RBBP6: variants seen among roughly 807,000 people sequenced by gnomAD.
The protein encoded by RBBP6 is RB binding protein 6, ubiquitin ligase.
RBBP6 carries 25 observed loss-of-function variants against 167.7 expected under a neutral mutation model. The observed-to-expected ratio is 0.15, with a 90% confidence interval of 0.11 to 0.21. The LOEUF (loss-of-function observed/expected upper bound fraction) is 0.21. Ranked by LOEUF, RBBP6 falls within the 10% of genes least tolerant of loss-of-function variation. The pLI is 1.00. For synonymous variants in RBBP6, 789 were observed against 735.8 expected (o/e 1.07, Z -1.17); for missense variants, 1,868 against 2,134.2 (o/e 0.88, Z 2.46).
intron 14 of RBBP6, among the ~76,000 whole-genome samples, chr16:24,565,227 T>A (rs1190979812): frequency 6.6e-6 from 1 of 152,132 alleles, no homozygotes; most frequent in Non-Finnish European, 1.5e-5. Context: ...CAAGCTCAGC[T>A]CCCAACTGTG....
chr16:24,548,380 A>G (rs1175836067), intron 2 of RBBP6, among the ~76,000 whole-genome samples: 5 of 151,458 alleles, frequency 3.3e-5, no homozygotes. Context: ...GTTAGTCTCA[A>G]ACTCCTGGGC....
At chr16:24,561,736 T>G (rs773162089) in intron 9 of RBBP6, 21 bp downstream of exon 9, 37 of 1,610,378 alleles carry the variant, frequency 2.3e-5, no homozygotes, top group Non-Finnish European at 3.1e-5. Context: ...GTATCCATTT[T>G]ATGAAAAAAT....
At chr16:24,566,594 A>G (rs974334398) in intron 14 of RBBP6, among the ~76,000 whole-genome samples, 3 of 152,122 alleles carry the variant, frequency 2.0e-5, no homozygotes, top group Non-Finnish European at 2.9e-5. Flanking sequence ...TACAAAAATT[A>G]GCTGGGCATG....
chr16:24,545,916 T>G (rs976803140), intron 1 of RBBP6, among the ~76,000 whole-genome samples: 5 of 152,210 alleles, frequency 3.3e-5, no homozygotes, highest in African/African-American at 1.2e-4. Flanking sequence ...TTACTGAGAT[T>G]TGGAGTTCCA....
Position 24,562,046 on chromosome 16 carries a change from T to G in RBBP6, c.1174T>G (p.Ser392Ala). Residue 392 changes from serine to alanine, a missense_variant, in exon 10 of 18, where the codon TCT (serine) becomes GCT (alanine). Ser to Ala is a moderately conservative substitution (Grantham distance 99). This residue lies in a region of RBBP6 where 245 missense variants were observed against 240.1 expected (regional missense o/e 1.02). Transcript: ENST00000319715. ...TATATCTTCATTAACTTCTAATCAG[T>G]CTTCCTTGGCCCCTCCTGTGTCTGG... ...PSISSLTSNQ[S>A]SLAPPVSGNP... 1 of 1,612,844 alleles carries G rather than the reference T, an allele frequency of 6.2e-7. No individual in the cohort carries two copies. The highest frequency in any genetic ancestry group is 8.5e-7 in the Non-Finnish European group (1 of 1,178,814).
In RBBP6 at chr16:24,572,766, T is replaced by A. The variant is rs184701648; in HGVS notation, c.*321T>A. 4.6e-5 allele frequency: 10 copies of A among 217,818 alleles called. No homozygotes were observed. The highest frequency in any genetic ancestry group is 3.2e-4 in the Admixed American group (6 of 18,692). The allele number at this position is 217,818 out of a possible 1,614,324, so 13.5% of individuals were successfully genotyped here. On this transcript the variant is annotated 3_prime_UTR_variant, in exon 18 of 18. Coordinates refer to ENST00000319715, the MANE Select transcript of RBBP6 (RefSeq NM_006910.5). ...TTTAATTGCCTGGCAAAAGCTGATA[T>A]AAGTTCTAAAATATCAGCAGAATGA...
intron 1 of RBBP6, among the ~76,000 whole-genome samples, chr16:24,541,959 C>A (rs781167147): frequency 6.6e-6 from 1 of 152,134 alleles, no homozygotes; most frequent in Non-Finnish European, 1.5e-5. Flanking sequence ...ACCAGTTTTC[C>A]ATTTACAATG....
chr16:24,572,535 G>A lies in RBBP6; in HGVS notation c.*90G>A. The A allele has an allele frequency of 1.4e-6, 2 of 1,413,880 alleles. No homozygotes were observed. Among genetic ancestry groups the A allele is most frequent in the South Asian group, 3.1e-5 (2 of 64,972 alleles). 87.6% of individuals were successfully genotyped at this position (1,413,880 alleles called of 1,614,324 possible). ...AAGAGATTCAAGCCTTGTAAATAAT[G>A]ACATGGAAGACCCTGTGCTGCACTT... On this transcript the variant is annotated 3_prime_UTR_variant, in exon 18 of 18. Coordinates refer to ENST00000319715, the MANE Select transcript of RBBP6 (RefSeq NM_006910.5).
chr16:24,542,233 AAC>A lies in RBBP6; in HGVS notation c.166+1443_166+1444del, dbSNP rs1196637127. Among the ~76,000 whole-genome samples the A allele has an allele frequency of 5.3e-5, 8 of 152,330 alleles. No individual in the cohort carries two copies. In the South Asian group the frequency reaches 1.0e-3, roughly 20 times the overall value. The stretch of plus-strand genomic sequence containing the variant: ...TGCCTCACAAGCATCCCTTAACTAC[AAC>A]AGTCACATTTCACAGAACAGATGGG... On this transcript the variant is annotated intron_variant, in intron 1 of 17. Coordinates refer to ENST00000319715, the MANE Select transcript of RBBP6 (RefSeq NM_006910.5).
intron 14 of RBBP6, among the ~76,000 whole-genome samples, chr16:24,565,316 C>T (rs997898353): frequency 6.6e-6 from 1 of 152,196 alleles, no homozygotes; most frequent in Non-Finnish European, 1.5e-5. Context: ...AAAGAAGAGA[C>T]AGGAGATTGT....
At chr16:24,541,184 A>AAAAAAAAAAAAACAACAAC (rs1290703420) in intron 1 of RBBP6, among the ~76,000 whole-genome samples, 1 of 101,890 alleles carries the variant, frequency 9.8e-6, no homozygotes, top group African/African-American at 4.6e-5. Flanking sequence ...CAATCAGCAA[A>AAAAAAAAAAAAACAACAAC]AAAAAAAACA....
intron 3 of RBBP6, among the ~76,000 whole-genome samples, chr16:24,550,340 T>A (rs1257115733): frequency 6.6e-6 from 1 of 150,666 alleles, no homozygotes; most frequent in Non-Finnish European, 1.5e-5. Flanking sequence ...TTTCCTCTTT[T>A]TGGATATGGG....
At chr16:24,564,910 T>C (rs775195197) in intron 14 of RBBP6, 45 bp downstream of exon 14, 139 of 1,566,354 alleles carry the variant, frequency 8.9e-5, no homozygotes, top group Non-Finnish European at 1.1e-4. Context: ...TTATTTTTTA[T>C]ATATATATCT....
intron 3 of RBBP6, among the ~76,000 whole-genome samples, chr16:24,550,324 T>G (rs538434442): frequency 4.7e-4 from 70 of 150,424 alleles, no homozygotes; most frequent in African/African-American, 1.4e-3. Context: ...GTGTTTGGGG[T>G]TTTTTTTTCC....
chr16:24,555,509 A>G (rs757394579), intron 4 of RBBP6, 106 bp from the exon 5 acceptor site: 19 of 850,042 alleles, frequency 2.2e-5, no homozygotes, highest in Middle Eastern at 3.7e-4. Flanking sequence ...GTTTTTATGC[A>G]AGATTAGTTA....
rs937311351 is a variant in RBBP6, at chr16:24,570,621, A to G, written c.3809+122A>G. The G allele has an allele frequency of 4.1e-6, 4 of 973,792 alleles. No homozygotes were observed. In the South Asian group the frequency reaches 6.4e-5, roughly 16 times the overall value. 60.3% of individuals were successfully genotyped at this position (973,792 alleles called of 1,614,324 possible). On this transcript the variant is annotated intron_variant, in intron 17 of 17. Transcript: ENST00000319715. ...TGATCTAGGGAAGTAGGCTGGTTTT[A>G]TGTAGTCTTTTGTTGTCTTTGAAGA...
intron 7 of RBBP6, among the ~76,000 whole-genome samples, chr16:24,557,197 T>G (rs1291526232): frequency 6.6e-6 from 1 of 152,060 alleles, no homozygotes; most frequent in African/African-American, 2.4e-5. Context: ...AGACGGAGTT[T>G]CACCGTGTTA....
Position 24,571,804 on chromosome 16 carries a change from A to G in RBBP6, c.4738A>G (p.Lys1580Glu), listed in dbSNP as rs147630531. 41 of 1,614,086 alleles carry G rather than the reference A, an allele frequency of 2.5e-5. No individual in the cohort carries two copies. In the Middle Eastern group the frequency reaches 6.6e-4, roughly 26 times the overall value. ...EKHVLEARNNKESSGNKLLYI... is the reference protein window; with the variant it reads ...EKHVLEARNNEESSGNKLLYI... ...GCATGTATTAGAAGCAAGGAACAAT[A>G]AAGAGTCAAGTGGCAATAAACTACT... is the stretch of plus-strand genomic sequence containing the variant. The change falls in exon 18 of 18, where the codon AAA (lysine) becomes GAA (glutamate). Residue 1580 changes from lysine (K) to glutamate (E), a missense_variant. Physicochemically the swap from Lys to Glu is moderately conservative, Grantham distance 56. Coordinates refer to ENST00000319715, the MANE Select transcript of RBBP6 (RefSeq NM_006910.5).
rs759185919 is a variant in RBBP6 at position 24,562,176 on chromosome 16, T to G, written c.1289+15T>G. 5.1e-6 allele frequency: 8 copies of G among 1,577,816 alleles called. No individual in the cohort carries two copies. The highest frequency in any genetic ancestry group is 6.9e-6 in the Non-Finnish European group (8 of 1,151,638). ...GGACCTTTTCGGTAAGCCTGTGTGT[T>G]TTTCACTGTTAGAAACCAAATGAGG... On this transcript the variant is annotated intron_variant, in intron 10 of 17. Transcript: ENST00000319715.
Sources: gnomAD v4.1 joint callset for allele counts (sites outside exome capture counted in the v4.1 genomes callset) on GRCh38, gnomAD v4.1.1 for gene constraint, gnomAD v4.1.1 regional missense constraint, MANE v1.5 for transcripts, NCBI Gene and HGNC (gene_info 2026-07-23, HGNC 2026-07-21) for gene names.